The following STK32B variants were observed in gnomAD, a reference collection of about 807,000 sequenced individuals.
STK32B encodes serine/threonine kinase 32B, also known as serine/threonine-protein kinase 32B.
STK32B carries 43 observed loss-of-function variants against 52.6 expected under a neutral mutation model. The observed-to-expected ratio is 0.82, with a 90% confidence interval of 0.64 to 1.05. The LOEUF (loss-of-function observed/expected upper bound fraction) is 1.05. STK32B is among the 50% of genes least tolerant of loss of function. STK32B has a pLI of 0.00. For missense variants in STK32B, 621 were observed against 534.6 expected (o/e 1.16, Z -1.59); for synonymous variants, 238 against 204.3 (o/e 1.17, Z -1.41).
intron 3 of STK32B, among the ~76,000 whole-genome samples, chr4:5,271,937 A>G (rs952617362): frequency 1.4e-5 from 2 of 147,984 alleles, no homozygotes; most frequent in Non-Finnish European, 2.9e-5. Context: ...ATATACAATC[A>G]TGTCATCTGC....
At chr4:5,487,882 A>C (rs531563636) in intron 11 of STK32B, among the ~76,000 whole-genome samples, 1 of 152,168 alleles carries the variant, frequency 6.6e-6, no homozygotes, top group Non-Finnish European at 1.5e-5. Flanking sequence ...TTTGTGGCCC[A>C]CACATGAGGC....
chr4:5,382,125 G>T (rs960999416), intron 4 of STK32B, among the ~76,000 whole-genome samples: 13 of 152,206 alleles, frequency 8.5e-5, no homozygotes, highest in African/African-American at 2.2e-4. Context: ...AGGGCAATGC[G>T]CTTTACTCAA....
chr4:5,197,852 G>A (rs952078034), intron 3 of STK32B, among the ~76,000 whole-genome samples: 3 of 152,072 alleles, frequency 2.0e-5, no homozygotes, highest in African/African-American at 4.8e-5. Flanking sequence ...CTTCAATTAT[G>A]GTTAATGACA....
At chr4:5,494,364 T>G (rs1720020654) in intron 11 of STK32B, among the ~76,000 whole-genome samples, 1 of 151,660 alleles carries the variant, frequency 6.6e-6, no homozygotes, top group Non-Finnish European at 1.5e-5. Flanking sequence ...TTTGTTGGTT[T>G]AAAGTCTGTT....
intron 3 of STK32B, among the ~76,000 whole-genome samples, chr4:5,218,936 C>T (rs1034032534): frequency 6.6e-6 from 1 of 152,092 alleles, no homozygotes; most frequent in Non-Finnish European, 1.5e-5. Context: ...ACAGGCCCCA[C>T]TGAGCTTGTT....
At chr4:5,068,538 G>A (rs1441617978) in intron 1 of STK32B, among the ~76,000 whole-genome samples, 2 of 152,242 alleles carry the variant, frequency 1.3e-5, no homozygotes, top group South Asian at 2.1e-4. Flanking sequence ...AGTTGTCTTA[G>A]GTGACATAAT....
chr4:5,163,998 C>G (rs1364337933), intron 2 of STK32B, among the ~76,000 whole-genome samples: 1 of 152,132 alleles, frequency 6.6e-6, no homozygotes, highest in Non-Finnish European at 1.5e-5. Flanking sequence ...CGACTGTGGA[C>G]CTGGTAGGGC....
intron 1 of STK32B, among the ~76,000 whole-genome samples, chr4:5,111,647 G>A (rs1433610585): frequency 6.6e-6 from 1 of 152,016 alleles, no homozygotes; most frequent in Non-Finnish European, 1.5e-5. Context: ...TTATCTATTG[G>A]GTAGAACATC....
At chr4:5,266,660 A>C (rs1012505572) in intron 3 of STK32B, among the ~76,000 whole-genome samples, 6 of 152,200 alleles carry the variant, frequency 3.9e-5, no homozygotes, top group Non-Finnish European at 7.3e-5. Flanking sequence ...TCAGCCACTT[A>C]TCTCTCTTAG....
the STK32B span, chr4:5,019,514 C>A: frequency 7.3e-7 from 1 of 1,377,882 alleles, no homozygotes; most frequent in Non-Finnish European, 9.4e-7. Context: ...CAGGGCGGCT[C>A]CACGCCTCCA....
At chr4:5,191,629 T>C (rs1208532950) in intron 3 of STK32B, among the ~76,000 whole-genome samples, 4 of 152,134 alleles carry the variant, frequency 2.6e-5, no homozygotes, top group Admixed American at 2.6e-4. Flanking sequence ...TGCTCAAACA[T>C]TTTGACAGCT....
chr4:5,030,940 T>G, the STK32B span, among the ~76,000 whole-genome samples: 1 of 152,132 alleles, frequency 6.6e-6, no homozygotes, highest in African/African-American at 2.4e-5. Flanking sequence ...GAAGGCTGAT[T>G]TTAAGTAATT....
At chr4:5,448,172 T>G (rs1369676586) in intron 7 of STK32B, among the ~76,000 whole-genome samples, 3 of 152,200 alleles carry the variant, frequency 2.0e-5, no homozygotes, top group African/African-American at 7.2e-5. Context: ...CTCAGTTATT[T>G]CCCCTGAATT....
chr4:5,246,105 T>G lies in STK32B; in HGVS notation c.260+77655T>G, dbSNP rs560480343. ...TGTGGCATTCTCTGTATTTCCTGAA[T>G]TTGAATGTTGGCCTGCCTTGCTAGA... On this transcript the variant is annotated intron_variant, in intron 3 of 11. Coordinates refer to ENST00000282908, the MANE Select transcript of STK32B (RefSeq NM_018401.3). Among the ~76,000 whole-genome samples, 367 of 152,314 alleles carry G rather than the reference T, an allele frequency of 2.4e-3. 2 individuals carry two copies. Among genetic ancestry groups the G allele is most frequent in the African/African-American group, 8.1e-3 (335 of 41,572 alleles).
chr4:5,415,787 T>G (rs1712114039), intron 5 of STK32B, among the ~76,000 whole-genome samples: 1 of 152,162 alleles, frequency 6.6e-6, no homozygotes, highest in Non-Finnish European at 1.5e-5. Flanking sequence ...TGCTGGTGCT[T>G]TTTTTGTCCA....
rs1317223723 is a variant in STK32B, at chr4:5,386,695, C to T, written c.435-11512C>T. On this transcript the variant is annotated intron_variant, in intron 4 of 11. Coordinates refer to ENST00000282908, the MANE Select transcript of STK32B (RefSeq NM_018401.3). This position sits in a 1 kb window ranked among gnomAD's most constrained non-coding sequence, Gnocchi z 4.5. ...CAAATCCCAGCTCTGGCACTAATTTCCCAGACAACTCGAAGGAAGTTACTT... is the reference window on the plus strand; with the variant it reads ...CAAATCCCAGCTCTGGCACTAATTTTCCAGACAACTCGAAGGAAGTTACTT... Among the ~76,000 whole-genome samples, 1 of 152,212 alleles carries T rather than the reference C, an allele frequency of 6.6e-6. No homozygotes were observed. Among genetic ancestry groups the T allele is most frequent in the Non-Finnish European group, 1.5e-5 (1 of 68,040 alleles).
At position 5,457,159 on chromosome 4, in the gene STK32B, C is replaced by G. The variant is rs116094597; in HGVS notation, c.783+236C>G. 4.9e-4 allele frequency among the ~76,000 whole-genome samples: 75 copies of G among 151,702 alleles called. 1 individual carries two copies. The highest frequency in any genetic ancestry group is 1.7e-3 in the African/African-American group (72 of 41,350). ...ACCGCAAGCCCCTAGGCTCTTGTCA[C>G]TCTGCTACGAGCTCCTAATAAACGG... On this transcript the variant is annotated intron_variant, in intron 8 of 11. Coordinates refer to ENST00000282908, the MANE Select transcript of STK32B (RefSeq NM_018401.3).
chr4:5,436,045 C>T (rs1714046191), intron 6 of STK32B: 2 of 152,412 alleles, frequency 1.3e-5, no homozygotes, highest in Admixed American at 6.5e-5. Flanking sequence ...AGCATGGAGC[C>T]AGGGTGGCCA....
intron 11 of STK32B, among the ~76,000 whole-genome samples, chr4:5,492,706 G>T (rs1719848380): frequency 6.6e-6 from 1 of 151,234 alleles, no homozygotes; most frequent in Non-Finnish European, 1.5e-5. Flanking sequence ...GATATTGGCT[G>T]TGGGTTTGTC....
Sources: gnomAD v4.1 joint callset for allele counts (sites outside exome capture counted in the v4.1 genomes callset) on GRCh38, gnomAD v4.1.1 for gene constraint, Gnocchi (gnomAD v3.1) non-coding constraint, MANE v1.5 for transcripts, NCBI Gene and HGNC (gene_info 2026-07-23, HGNC 2026-07-21) for gene names.